Variants in TJP1 observed in about 807,000 individuals in gnomAD.
TJP1 encodes the protein tight junction protein 1, also known as tight junction protein ZO-1.
TJP1 carries 43 observed loss-of-function variants against 194.2 expected under a neutral mutation model. That is an observed-to-expected ratio of 0.22 (90% confidence interval 0.17 to 0.29). The LOEUF is 0.29. Among genes scored for constraint, TJP1 ranks in the 10% least tolerant of loss-of-function variants. The pLI is 1.00. For synonymous variants in TJP1, 801 were observed against 779.0 expected, an observed-to-expected ratio of 1.03 and a Z score of -0.47; for missense variants, 1,971 against 2,185.7, an observed-to-expected ratio of 0.90 and a Z score of 1.96.
chr15:29,876,535 T>C (rs911045670), intron 2 of TJP1, among the ~76,000 whole-genome samples: 1 of 147,002 alleles, frequency 6.8e-6, no homozygotes, highest in African/African-American at 2.6e-5. Context: ...AAAAAAAAAA[T>C]ATGAGATTTT....
In TJP1 at chr15:29,742,498, T is replaced by G. The variant is rs904762770; in HGVS notation, c.1150+144A>C. ...CTGATTTGTGCCAACCTGCTACCCA[T>G]AAGGAAAACGCTGGAAGTCATATGC... On this transcript the variant is annotated intron_variant, in intron 9 of 27. Transcript: ENST00000614355. 9.0e-6 allele frequency: 8 copies of G among 886,806 alleles called. No homozygotes were observed. In the African/African-American group the frequency reaches 1.4e-4, roughly 15 times the overall value. The allele number at this position is 886,806 out of a possible 1,614,324, so 54.9% of individuals were successfully genotyped here. A position where few individuals can be genotyped will look rare whatever the true frequency, so the allele number is the denominator to read the frequency against.
intron 2 of TJP1, among the ~76,000 whole-genome samples, chr15:29,880,057 AT>A (rs2052868943): frequency 6.6e-6 from 1 of 152,204 alleles, no homozygotes; most frequent in South Asian, 2.1e-4. Flanking sequence ...TAATTTTAAA[AT>A]TATGAGAGCT....
At chr15:29,770,078 T>C (rs2046562014) in intron 4 of TJP1, among the ~76,000 whole-genome samples, 1 of 152,166 alleles carries the variant, frequency 6.6e-6, no homozygotes, top group Non-Finnish European at 1.5e-5. Flanking sequence ...CTGATGACCC[T>C]GATCCTGGGT....
At chr15:29,859,403 G>C (rs998488602) in intron 2 of TJP1, among the ~76,000 whole-genome samples, 1 of 152,134 alleles carries the variant, frequency 6.6e-6, no homozygotes, top group African/African-American at 2.4e-5. Flanking sequence ...AAAGTGCAAG[G>C]CATCAGAGAG....
chr15:29,716,951 G>C (rs935183185), intron 22 of TJP1, 113 bp from the exon 23 acceptor site: 3 of 869,274 alleles, frequency 3.5e-6, no homozygotes, highest in African/African-American at 3.4e-5. Flanking sequence ...TAACTGCTGT[G>C]ATTACTGAGG....
At chr15:29,868,252 T>C (rs555291564) in intron 2 of TJP1, among the ~76,000 whole-genome samples, 3 of 152,268 alleles carry the variant, frequency 2.0e-5, no homozygotes, top group Non-Finnish European at 4.4e-5. Flanking sequence ...TAGCTCCTAA[T>C]TCCCTCTTTG....
intron 2 of TJP1, among the ~76,000 whole-genome samples, chr15:29,863,302 T>A (rs200705157): frequency 8.2e-3 from 436 of 53,068 alleles, no homozygotes; most frequent in African/African-American, 0.02. Context: ...TCTCAAAAAA[T>A]AAATAAATAA....
rs780267389 is a variant in TJP1 at position 29,718,356 on chromosome 15, C to A, written c.3786G>T (p.Gln1262His). Reference protein sequence around the residue: ...EEEEDPAMKPQSVLTRVKMFE... With the variant: ...EEEEDPAMKPHSVLTRVKMFE... ...ACATCTTAACTCTGGTGAGTACAGA[C>A]TGTGGCTTCATTGCTGGATCTTCCT... The change falls in exon 21 of 28, where the codon CAG becomes CAT. Residue 1262 changes from glutamine (Q) to histidine (H), a missense_variant. Transcript: ENST00000614355. The A allele has an allele frequency of 4.5e-5, 72 of 1,613,992 alleles. No homozygotes were observed. The East Asian group carries it at 1.6e-3, about 35-fold the overall frequency.
At chr15:29,735,454 T>A (rs1047312766) in intron 11 of TJP1, among the ~76,000 whole-genome samples, 3 of 151,814 alleles carry the variant, frequency 2.0e-5, no homozygotes, top group Non-Finnish European at 4.4e-5. Context: ...CCACGTGTGG[T>A]GGCTAATGCC....
chr15:29,727,194 A>T (rs1474837960), intron 16 of TJP1, among the ~76,000 whole-genome samples: 1 of 151,992 alleles, frequency 6.6e-6, no homozygotes, highest in Non-Finnish European at 1.5e-5. Flanking sequence ...AAATACAAAA[A>T]CTAGCCAGGC....
At chr15:29,867,872 A>G (rs779761950) in intron 2 of TJP1, among the ~76,000 whole-genome samples, 4 of 152,128 alleles carry the variant, frequency 2.6e-5, no homozygotes, top group Non-Finnish European at 5.9e-5. Context: ...CCTGGACAAC[A>G]TAGCAAGACC....
chr15:29,771,754 G>A lies in TJP1; in HGVS notation c.312+310C>T, dbSNP rs140259628. Among the ~76,000 whole-genome samples, 620 of 150,464 alleles carry A rather than the reference G, an allele frequency of 4.1e-3. 6 individuals are homozygous for A. The highest frequency in any genetic ancestry group is 0.013 in the African/African-American group (540 of 40,870). On this transcript the variant is annotated intron_variant, in intron 4 of 27. Transcript: ENST00000614355. The stretch of plus-strand genomic sequence containing the variant: ...TAGGAGGCGGAGTTTGCAGTGAGCC[G>A]AGACCGTACCACTGCACTCCAGCTT...
At chr15:29,734,452 G>A (rs1384120947) in intron 11 of TJP1, 70 bp from the exon 12 acceptor site, 12 of 1,086,130 alleles carry the variant, frequency 1.1e-5, no homozygotes, top group Non-Finnish European at 1.4e-5. Context: ...GCAGGACACA[G>A]ATACTCTCAG....
intron 2 of TJP1, among the ~76,000 whole-genome samples, chr15:29,923,783 C>T (rs1368922817): frequency 1.3e-5 from 2 of 152,168 alleles, no homozygotes; most frequent in African/African-American, 2.4e-5. Context: ...GAATTGTACA[C>T]TTTAAATGAG....
intron 1 of TJP1, among the ~76,000 whole-genome samples, chr15:29,813,065 C>A (rs1191459388): frequency 6.6e-6 from 1 of 152,102 alleles, no homozygotes; most frequent in African/African-American, 2.4e-5. Flanking sequence ...AAAACTTCCA[C>A]AATTATATTT....
At chr15:29,794,152 TTTC>T (rs1462972528) in intron 2 of TJP1, among the ~76,000 whole-genome samples, 4 of 152,180 alleles carry the variant, frequency 2.6e-5, no homozygotes, top group African/African-American at 9.7e-5. Flanking sequence ...TCTGAAAATA[TTTC>T]TTTTTTAATT....
At position 29,920,408 on chromosome 15, in the gene TJP1, G is replaced by T. The variant is rs146698681; in HGVS notation, c.306+35824C>A. 5.9e-5 allele frequency among the ~76,000 whole-genome samples: 9 copies of T among 152,252 alleles called. No individual in the cohort carries two copies. In the East Asian group the frequency reaches 1.7e-3, roughly 29 times the overall value. On this transcript the variant is annotated intron_variant, in intron 2 of 28. Coordinates refer to the TJP1 transcript ENST00000356107. The stretch of plus-strand genomic sequence containing the variant: ...GGGTCAGAGACAGGCACTAGAACTT[G>T]GTTAGACTTACTCCACCTCAGATTA...
At chr15:29,830,018 A>G (rs1247489770) in intron 2 of TJP1, among the ~76,000 whole-genome samples, 5 of 151,900 alleles carry the variant, frequency 3.3e-5, no homozygotes, top group Admixed American at 2.0e-4. Flanking sequence ...AAAAAAAAAT[A>G]CAATGAAATT....
intron 1 of TJP1, among the ~76,000 whole-genome samples, chr15:29,816,988 C>A (rs2049970941): frequency 6.6e-6 from 1 of 152,152 alleles, no homozygotes; most frequent in African/African-American, 2.4e-5. Flanking sequence ...AGAGCTTCTG[C>A]ACAGCAAAAG....
Sources: gnomAD v4.1 joint callset for allele counts (sites outside exome capture counted in the v4.1 genomes callset) on GRCh38, gnomAD v4.1.1 for gene constraint, MANE v1.5 for transcripts, NCBI Gene and HGNC (gene_info 2026-07-23, HGNC 2026-07-21) for gene names.